The following CSMD1 variants were observed in gnomAD, a reference collection of about 807,000 sequenced individuals.
CSMD1 encodes CUB and Sushi multiple domains 1, also known as CUB and sushi domain-containing protein 1.
Under a neutral mutation model 417.5 loss-of-function variants are expected in CSMD1, and 213 were observed. The observed-to-expected ratio is 0.51, with a 90% CI of 0.46 to 0.57. The LOEUF is 0.57. CSMD1 is among the 20% of genes least tolerant of loss of function. The probability of loss-of-function intolerance (pLI) is 0.00; values close to 1 mark genes in which losing one functional copy is unlikely to be tolerated. For synonymous variants in CSMD1, 2,862 were observed against 1,736.8 expected (o/e 1.65, Z -16.11); for missense variants, 6,923 against 4,529.7 (o/e 1.53, Z -15.17).
chr8:4,570,174 C>T (rs968043134), intron 2 of CSMD1, among the ~76,000 whole-genome samples: 2 of 152,098 alleles, frequency 1.3e-5, no homozygotes, highest in Non-Finnish European at 2.9e-5. Context: ...TCCAACACTA[C>T]GTTGAATAGC....
At chr8:4,713,904 G>T (rs1482329777) in intron 1 of CSMD1, among the ~76,000 whole-genome samples, 1 of 152,132 alleles carries the variant, frequency 6.6e-6, no homozygotes, top group Non-Finnish European at 1.5e-5. Flanking sequence ...GGGCTTGTGG[G>T]GAGGCCGAGG....
chr8:3,530,934 C>T (rs139796947), intron 10 of CSMD1, among the ~76,000 whole-genome samples: 8,066 of 151,852 alleles, frequency 0.053, 287 homozygotes, highest in Non-Finnish European at 0.08. Context: ...CTCACTGCAA[C>T]CTCCACCTCC....
chr8:3,657,389 G>GAAA (rs1798182961), intron 7 of CSMD1, among the ~76,000 whole-genome samples: 1 of 152,026 alleles, frequency 6.6e-6, no homozygotes, highest in Admixed American at 6.6e-5. Context: ...AAAACTGTAT[G>GAAA]GTATCAAAGG....
chr8:4,372,746 GAA>G (rs11350132), intron 3 of CSMD1, among the ~76,000 whole-genome samples: 36 of 145,448 alleles, frequency 2.5e-4, no homozygotes, highest in African/African-American at 6.0e-4. Context: ...GGAGGCAAAA[GAA>G]AAAAAAAAAG....
In CSMD1 at chr8:4,655,759, T is replaced by C. The variant is rs141486415; in HGVS notation, c.86-18201A>G. On this transcript the variant is annotated intron_variant, in intron 1 of 69. Transcript: ENST00000635120. ...AATGCCCAACAGCTACTCACACTAA[T>C]AGTATAATTTACGTTGATATAATAT... Among the ~76,000 whole-genome samples the C allele has an allele frequency of 1.5e-4, 23 of 152,262 alleles. No homozygotes were observed. In the East Asian group the frequency reaches 2.9e-3, roughly 19 times the overall value.
intron 3 of CSMD1, among the ~76,000 whole-genome samples, chr8:4,159,266 G>A (rs560929777): frequency 3.9e-5 from 6 of 152,118 alleles, no homozygotes; most frequent in African/African-American, 9.7e-5. Context: ...CATTGGGGTA[G>A]CATTTAGTGT....
At chr8:3,514,774 T>A (rs28422860) in intron 10 of CSMD1, among the ~76,000 whole-genome samples, 11,365 of 152,196 alleles carry the variant, frequency 0.075, 472 homozygotes, top group African/African-American at 0.11. Context: ...ATACTGCACA[T>A]GATCCTTTAG....
intron 7 of CSMD1, among the ~76,000 whole-genome samples, chr8:3,664,987 T>C (rs60535701): frequency 0.012 from 1,879 of 152,162 alleles, 43 homozygotes; most frequent in African/African-American, 0.043. Flanking sequence ...CTATTTTATA[T>C]GTATATTTGA....
chr8:3,333,123 G>A (rs1291705218), intron 23 of CSMD1, among the ~76,000 whole-genome samples: 1 of 152,158 alleles, frequency 6.6e-6, no homozygotes, highest in African/African-American at 2.4e-5. Flanking sequence ...GTCTCAGTCT[G>A]ACCACTGTGA....
chr8:4,642,018 A>C (rs1803224626), intron 1 of CSMD1, among the ~76,000 whole-genome samples: 1 of 152,164 alleles, frequency 6.6e-6, no homozygotes, highest in African/African-American at 2.4e-5. Flanking sequence ...ATTTGGATTA[A>C]ATACTTGCCA....
chr8:4,388,545 A>C (rs1584998685), intron 3 of CSMD1, among the ~76,000 whole-genome samples: 1 of 146,042 alleles, frequency 6.8e-6, no homozygotes, highest in Non-Finnish European at 1.5e-5. Context: ...GATTTTGGGG[A>C]CTGAGGGGGA....
At chr8:3,266,224 G>A (rs922942031) in intron 26 of CSMD1, among the ~76,000 whole-genome samples, 1 of 150,860 alleles carries the variant, frequency 6.6e-6, no homozygotes, top group African/African-American at 2.4e-5. Flanking sequence ...GGAGTCAGGG[G>A]GCTCCCGGGA....
intron 3 of CSMD1, among the ~76,000 whole-genome samples, chr8:4,387,701 G>C (rs115193145): frequency 8.6e-5 from 13 of 151,502 alleles, no homozygotes; most frequent in Non-Finnish European, 1.5e-4. Flanking sequence ...ACAGCCTTGA[G>C]GCAATAGTAC....
intron 3 of CSMD1, among the ~76,000 whole-genome samples, chr8:4,062,982 T>C (rs371431138): frequency 2.0e-5 from 3 of 151,594 alleles, no homozygotes; most frequent in Non-Finnish European, 4.4e-5. Context: ...AATAAGGAAA[T>C]AGGTAATCCA....
intron 1 of CSMD1, among the ~76,000 whole-genome samples, chr8:4,945,239 C>T (rs1036280771): frequency 6.6e-6 from 1 of 152,000 alleles, no homozygotes; most frequent in Admixed American, 6.6e-5. Context: ...TTGCCAGAGG[C>T]TGTGGAAGGG....
At chr8:4,618,401 G>C (rs1482434234) in intron 2 of CSMD1, among the ~76,000 whole-genome samples, 2 of 152,238 alleles carry the variant, frequency 1.3e-5, no homozygotes, top group East Asian at 1.9e-4. Flanking sequence ...ATATTTCTGA[G>C]ATTTGAACAG....
intron 3 of CSMD1, among the ~76,000 whole-genome samples, chr8:4,034,809 G>A (rs1280700938): frequency 1.3e-5 from 2 of 152,128 alleles, no homozygotes; most frequent in Admixed American, 6.5e-5. Context: ...CTTCTTAGAA[G>A]GCACACATTT....
At chr8:4,730,815 TG>T (rs1363492007) in intron 1 of CSMD1, among the ~76,000 whole-genome samples, 4 of 152,106 alleles carry the variant, frequency 2.6e-5, no homozygotes, top group Non-Finnish European at 5.9e-5. Flanking sequence ...CTGATTTTCT[TG>T]GTTTTTGTGC....
chr8:4,717,446 T>A (rs1051174571), intron 1 of CSMD1, among the ~76,000 whole-genome samples: 4 of 150,434 alleles, frequency 2.7e-5, no homozygotes, highest in African/African-American at 9.9e-5. Flanking sequence ...ACTATATATA[T>A]ACACACACTA....
Sources: gnomAD v4.1 joint callset for allele counts (sites outside exome capture counted in the v4.1 genomes callset) on GRCh38, gnomAD v4.1.1 for gene constraint, MANE v1.5 for transcripts, NCBI Gene and HGNC (gene_info 2026-07-23, HGNC 2026-07-21) for gene names.